Variants in ZFAND3 observed in about 807,000 individuals in gnomAD.
ZFAND3 encodes AN1-type zinc finger protein 3.
A neutral mutation model predicts 29.6 loss-of-function variants in ZFAND3; 10 were observed. The ratio of observed to expected loss-of-function variants is 0.34; its 90% CI spans 0.21 to 0.57. The LOEUF (loss-of-function observed/expected upper bound fraction) is 0.57, where lower values mean the gene tolerates loss of function less well. Among genes scored for constraint, ZFAND3 ranks in the 20% least tolerant of loss-of-function variants. The pLI is 0.86. For synonymous variants in ZFAND3, 128 were observed against 112.6 expected (o/e 1.14, Z -0.87); for missense variants, 230 against 304.5 (o/e 0.76, Z 1.82).
intron 3 of ZFAND3, among the ~76,000 whole-genome samples, chr6:38,064,709 T>G (rs1764308092): frequency 6.6e-6 from 1 of 150,910 alleles, no homozygotes. Context: ...TTCAGCCTGA[T>G]TAAAGATGTC....
intron 2 of ZFAND3, among the ~76,000 whole-genome samples, chr6:37,973,933 C>G (rs1167746715): frequency 4.6e-5 from 7 of 152,182 alleles, no homozygotes. Context: ...TTCTCTATCT[C>G]AGAGAGACAG....
intron 2 of ZFAND3, among the ~76,000 whole-genome samples, chr6:38,020,413 T>A (rs11753390): frequency 0.066 from 9,991 of 152,134 alleles, 412 homozygotes; most frequent in Non-Finnish European, 0.094. Flanking sequence ...TCAAATTATC[T>A]CAAAAAAATA....
intron 4 of ZFAND3, among the ~76,000 whole-genome samples, chr6:38,101,007 T>C (rs994963520): frequency 1.3e-5 from 2 of 152,200 alleles, no homozygotes; most frequent in African/African-American, 4.8e-5. Context: ...ACAGTACAAT[T>C]GTCAAAATTG....
intron 2 of ZFAND3, among the ~76,000 whole-genome samples, chr6:37,964,158 T>G (rs981466765): frequency 1.3e-5 from 2 of 152,230 alleles, no homozygotes; most frequent in African/African-American, 2.4e-5. Context: ...TCAAGACTTC[T>G]GGACTATTGC....
intron 1 of ZFAND3, among the ~76,000 whole-genome samples, chr6:37,840,613 A>C (rs259717): frequency 6.6e-6 from 1 of 152,066 alleles, no homozygotes; most frequent in Non-Finnish European, 1.5e-5. Context: ...CTTCTGCAAA[A>C]AAGCCAGCTT....
At chr6:37,896,340 T>TG (rs1765202142) in intron 1 of ZFAND3, among the ~76,000 whole-genome samples, 1 of 152,120 alleles carries the variant, frequency 6.6e-6, no homozygotes, top group Non-Finnish European at 1.5e-5. Flanking sequence ...ATTTTGTTAA[T>TG]GTGGCCTATT....
chr6:38,062,198 A>G (rs1764255123), intron 3 of ZFAND3, among the ~76,000 whole-genome samples: 1 of 152,170 alleles, frequency 6.6e-6, no homozygotes, highest in Non-Finnish European at 1.5e-5. Flanking sequence ...ACCCTAATTT[A>G]GGAGCCTTAG....
At position 38,154,276 on chromosome 6, in the gene ZFAND3, C is replaced by T; in HGVS notation, c.*1887C>T. 1.0e-6 allele frequency: 1 copy of T among 985,524 alleles called. No homozygotes were observed. Among genetic ancestry groups the T allele is most frequent in the Non-Finnish European group, 1.2e-6 (1 of 829,970 alleles). 61.0% of individuals were successfully genotyped at this position (985,524 alleles called of 1,614,324 possible). A position where few individuals can be genotyped will look rare whatever the true frequency, so the allele number is the denominator to read the frequency against. On this transcript the variant is annotated 3_prime_UTR_variant, in exon 6 of 6. Coordinates refer to ENST00000287218, the MANE Select transcript of ZFAND3 (RefSeq NM_021943.3). ...CCCGGCCCTCCCCAGGGCCCCCCGCCCCCTCCTCTGCCTGCTGCGTGGAGG... is the reference window on the plus strand; with the variant it reads ...CCCGGCCCTCCCCAGGGCCCCCCGCTCCCTCCTCTGCCTGCTGCGTGGAGG...
chr6:38,005,304 A>T (rs373790234), intron 2 of ZFAND3, among the ~76,000 whole-genome samples: 1 of 152,238 alleles, frequency 6.6e-6, no homozygotes, highest in Admixed American at 6.5e-5. Flanking sequence ...TGAAGTCTCA[A>T]AGATGGGTTT....
chr6:37,866,877 C>T (rs934997292), intron 1 of ZFAND3, among the ~76,000 whole-genome samples: 5 of 152,218 alleles, frequency 3.3e-5, no homozygotes, highest in African/African-American at 1.2e-4. Flanking sequence ...AGGAATTTGT[C>T]TGTAAAGGGC....
rs376715930 is a variant in ZFAND3 at position 37,909,372 on chromosome 6, C to G, written c.72-20587C>G. Among the ~76,000 whole-genome samples the G allele has an allele frequency of 2.6e-5, 4 of 151,556 alleles. No individual in the cohort carries two copies. The East Asian group carries it at 7.8e-4, about 29-fold the overall frequency. ...TTAGCTCACTGCATCCTCCGCCTCC[C>G]AGGTTCAAGTGAGTCTCCTGCCTCA... On this transcript the variant is annotated intron_variant, in intron 1 of 5. Transcript: ENST00000287218.
intron 2 of ZFAND3, among the ~76,000 whole-genome samples, chr6:37,991,178 G>A (rs887635945): frequency 1.3e-5 from 2 of 152,058 alleles, no homozygotes; most frequent in East Asian, 1.9e-4. Flanking sequence ...AGCTAGTCAC[G>A]TGTGCTAACA....
At chr6:37,835,338 G>T (rs1763946292) in intron 1 of ZFAND3, among the ~76,000 whole-genome samples, 1 of 151,882 alleles carries the variant, frequency 6.6e-6, no homozygotes, top group Admixed American at 6.6e-5. Flanking sequence ...TAAATTTTTT[G>T]TAGAGACAGG....
intron 5 of ZFAND3, among the ~76,000 whole-genome samples, chr6:38,119,267 G>C (rs1218075630): frequency 2.0e-5 from 3 of 152,130 alleles, no homozygotes; most frequent in Admixed American, 6.5e-5. Flanking sequence ...GAGTTGTACT[G>C]TTATTTCCTT....
At chr6:37,865,725 C>T (rs902135195) in intron 1 of ZFAND3, among the ~76,000 whole-genome samples, 5 of 152,238 alleles carry the variant, frequency 3.3e-5, no homozygotes, top group East Asian at 1.9e-4. Flanking sequence ...TGTGTTATAG[C>T]GTCACAGGTG....
intron 2 of ZFAND3, among the ~76,000 whole-genome samples, chr6:38,014,693 C>T (rs531365928): frequency 7.9e-5 from 12 of 152,276 alleles, no homozygotes; most frequent in African/African-American, 2.9e-4. Flanking sequence ...TCAATCATCT[C>T]TTTTCATTCA....
At chr6:37,988,502 C>A (rs190096019) in intron 2 of ZFAND3, among the ~76,000 whole-genome samples, 1 of 152,104 alleles carries the variant, frequency 6.6e-6, no homozygotes, top group Non-Finnish European at 1.5e-5. Flanking sequence ...GCATTATTTT[C>A]CCCCATGTAG....
intron 2 of ZFAND3, among the ~76,000 whole-genome samples, chr6:37,959,597 T>C (rs1454574162): frequency 6.6e-6 from 1 of 152,216 alleles, no homozygotes; most frequent in African/African-American, 2.4e-5. Context: ...ACATAAATTG[T>C]CAAATATGTA....
chr6:38,072,890 A>T (rs551046562), intron 3 of ZFAND3, among the ~76,000 whole-genome samples: 1 of 152,374 alleles, frequency 6.6e-6, no homozygotes, highest in Admixed American at 6.5e-5. Flanking sequence ...ATGGCACCTT[A>T]GTGAGGAATT....
Sources: gnomAD v4.1 joint callset for allele counts (sites outside exome capture counted in the v4.1 genomes callset) on GRCh38, gnomAD v4.1.1 for gene constraint, MANE v1.5 for transcripts, NCBI Gene and HGNC (gene_info 2026-07-23, HGNC 2026-07-21) for gene names.